The following RASGRF1 variants were observed in gnomAD, a reference collection of about 807,000 sequenced individuals.
RASGRF1 encodes Ras protein specific guanine nucleotide releasing factor 1.
A neutral mutation model predicts 138.7 loss-of-function variants in RASGRF1; 40 were observed. The ratio of observed to expected loss-of-function variants is 0.29; its 90% CI spans 0.22 to 0.38. The LOEUF (loss-of-function observed/expected upper bound fraction) is 0.38, where lower values mean the gene tolerates loss of function less well. RASGRF1 is among the 10% of genes least tolerant of loss of function. The probability of loss-of-function intolerance (pLI) is 1.00; values close to 1 mark genes in which losing one functional copy is unlikely to be tolerated. For missense variants in RASGRF1, 1,108 were observed against 1,650.4 expected (o/e 0.67, Z 5.69); for synonymous variants, 614 against 663.2 (o/e 0.93, Z 1.14).
chr15:79,053,642 C>A lies in RASGRF1; in HGVS notation c.532-4054G>T, dbSNP rs551073287. Among the ~76,000 whole-genome samples, 4 of 152,286 alleles carry A rather than the reference C, an allele frequency of 2.6e-5. No homozygotes were observed. The South Asian group carries it at 8.3e-4, about 32-fold the overall frequency. On this transcript the variant is annotated intron_variant, in intron 3 of 26. Coordinates refer to ENST00000558480, the MANE Select transcript of RASGRF1 (RefSeq NM_001145648.3). ...GAAGGGAGAGAAGAGACTAAGTCAG[C>A]AGTGGATTGATTGTTTTACTTAGTA... is the stretch of plus-strand genomic sequence containing the variant.
chr15:79,061,508 G>A (rs2057607315), intron 2 of RASGRF1, among the ~76,000 whole-genome samples: 1 of 149,396 alleles, frequency 6.7e-6, no homozygotes. Context: ...GATCAGTTTT[G>A]ATAAACGCAT....
chr15:79,029,931 T>A (rs1236222728), intron 8 of RASGRF1, among the ~76,000 whole-genome samples: 1 of 152,158 alleles, frequency 6.6e-6, no homozygotes, highest in African/African-American at 2.4e-5. Context: ...GGATAGGATA[T>A]CCCTCAGCAA....
chr15:79,058,320 C>G lies in RASGRF1; in HGVS notation c.531+14G>C, dbSNP rs368456603. 5 of 1,610,578 alleles carry G rather than the reference C, an allele frequency of 3.1e-6. No individual in the cohort carries two copies. The highest frequency in any genetic ancestry group is 2.7e-5 in the African/African-American group (2 of 74,916). On this transcript the variant is annotated intron_variant, in intron 3 of 26. Transcript: ENST00000558480. ...GTGCCTAGGGCCTGGGCCCACCCCC[C>G]AGCCCGCAGTCACCTCTGCCTTCAG...
intron 2 of RASGRF1, among the ~76,000 whole-genome samples, chr15:79,063,465 A>G (rs1403782047): frequency 6.6e-6 from 1 of 152,206 alleles, no homozygotes; most frequent in African/African-American, 2.4e-5. Flanking sequence ...TTGTCCATGT[A>G]TCATCCATGT....
chr15:79,069,978 C>T (rs2057733306), intron 1 of RASGRF1, among the ~76,000 whole-genome samples: 1 of 152,202 alleles, frequency 6.6e-6, no homozygotes, highest in East Asian at 1.9e-4. Context: ...TGGAAGTTTC[C>T]CTGCCATGAG....
At chr15:79,077,423 C>T (rs2057848684) in intron 1 of RASGRF1, among the ~76,000 whole-genome samples, 1 of 152,130 alleles carries the variant, frequency 6.6e-6, no homozygotes, top group African/African-American at 2.4e-5. Flanking sequence ...TTTTGTAAAC[C>T]ACTGGATTCA....
chr15:78,978,215 CTTTTGTTTT>C (rs1197524571), intron 24 of RASGRF1, among the ~76,000 whole-genome samples: 34 of 79,324 alleles, frequency 4.3e-4, no homozygotes, highest in African/African-American at 1.7e-3. Context: ...TTTTTCTTTT[CTTTTGTTTT>C]TTTTTTTTTT....
intron 20 of RASGRF1, among the ~76,000 whole-genome samples, chr15:78,993,078 G>GCCA (rs2056305603): frequency 1.9e-5 from 2 of 106,748 alleles, no homozygotes; most frequent in Non-Finnish European, 4.3e-5. Flanking sequence ...TGTGTGTGGT[G>GCCA]TGTGGGTGGT....
In RASGRF1 at chr15:79,090,642, C is replaced by G; in HGVS notation, c.-144G>C. 1 of 1,171,012 alleles carries G rather than the reference C, an allele frequency of 8.5e-7. No individual in the cohort carries two copies. The allele number at this position is 1,171,012 out of a possible 1,614,324, so 72.5% of individuals were successfully genotyped here. A position where few individuals can be genotyped will look rare whatever the true frequency, so the allele number is the denominator to read the frequency against. ...TCCCCTCCCCCCAAATATCTACACT[C>G]CAGGATCTGGCGCCGAGCCGCGGCT... is the stretch of plus-strand genomic sequence containing the variant. On this transcript the variant is annotated 5_prime_UTR_variant, in exon 1 of 27. Transcript: ENST00000558480.
At chr15:79,029,612 G>A (rs1487060894) in intron 8 of RASGRF1, among the ~76,000 whole-genome samples, 3 of 152,164 alleles carry the variant, frequency 2.0e-5, no homozygotes, top group African/African-American at 7.2e-5. Context: ...GAATATAGGG[G>A]TCAGGATAAA....
chr15:78,962,169 C>T lies in RASGRF1; in HGVS notation c.3749G>A (p.Arg1250Gln), dbSNP rs768043922. Residue 1250 changes from arginine (R) to glutamine (Q), a missense_variant, in exon 27 of 27, where the codon CGA (arginine) becomes CAA (glutamine). This residue lies in a region of RASGRF1 where 686 missense variants were observed against 976.7 expected (regional missense o/e 0.70). Coordinates refer to ENST00000558480, the MANE Select transcript of RASGRF1 (RefSeq NM_001145648.3). ...DEESLYESSL[R>Q]IEPKLPT ...TCAGGTGGGGAGTTTTGGTTCTATT[C>T]GGAGAGAAGACTCGTAGAGGCTTTC... The T allele has an allele frequency of 3.3e-5, 53 of 1,585,770 alleles. No individual in the cohort carries two copies. The highest frequency in any genetic ancestry group is 7.8e-6 in the Non-Finnish European group (9 of 1,160,970).
intron 22 of RASGRF1, among the ~76,000 whole-genome samples, chr15:78,986,769 T>G (rs891149381): frequency 6.6e-6 from 1 of 152,160 alleles, no homozygotes; most frequent in Non-Finnish European, 1.5e-5. Context: ...TAAGAAATCT[T>G]CTCAAAAACA....
At chr15:79,060,854 T>G (rs1411778102) in intron 2 of RASGRF1, among the ~76,000 whole-genome samples, 1 of 150,338 alleles carries the variant, frequency 6.7e-6, no homozygotes, top group African/African-American at 2.5e-5. Context: ...GTGCATGGCC[T>G]GCCTGGCATG....
At chr15:79,068,482 T>C (rs1340897350) in intron 1 of RASGRF1, among the ~76,000 whole-genome samples, 1 of 61,472 alleles carries the variant, frequency 1.6e-5, no homozygotes, top group Non-Finnish European at 2.9e-5. Flanking sequence ...TATATATATA[T>C]ATATATATAT....
chr15:78,996,078 T>C (rs4778764), intron 19 of RASGRF1, among the ~76,000 whole-genome samples: 151,481 of 152,266 alleles, frequency 0.99, 75,358 homozygotes, highest in Middle Eastern at 1. Context: ...AGGGAGCCCT[T>C]GAGGGAGGGA....
At chr15:78,968,930 C>T (rs946143239) in intron 26 of RASGRF1, among the ~76,000 whole-genome samples, 1 of 152,150 alleles carries the variant, frequency 6.6e-6, no homozygotes, top group African/African-American at 2.4e-5. Flanking sequence ...CCTGTTAGGC[C>T]GGTTTAGCAA....
intron 13 of RASGRF1, among the ~76,000 whole-genome samples, chr15:79,009,755 C>T (rs947156060): frequency 6.6e-6 from 1 of 151,976 alleles, no homozygotes; most frequent in Non-Finnish European, 1.5e-5. Context: ...GATGGACTCC[C>T]GCTCTGTTGC....
At chr15:79,026,887 G>A (rs2057064712) in intron 9 of RASGRF1, among the ~76,000 whole-genome samples, 1 of 152,208 alleles carries the variant, frequency 6.6e-6, no homozygotes, top group Non-Finnish European at 1.5e-5. Flanking sequence ...GCAGGTCACA[G>A]GGTGGGCCTG....
intron 20 of RASGRF1, 124 bp from the exon 21 acceptor site, chr15:78,991,918 C>T (rs1027864837): frequency 5.2e-5 from 36 of 687,468 alleles, no homozygotes; most frequent in Non-Finnish European, 7.6e-5. Context: ...CGGGGTATGA[C>T]GCTGCCTCGA....
Sources: allele counts gnomAD v4.1 joint callset (sites outside exome capture counted in the v4.1 genomes callset), GRCh38; gene constraint gnomAD v4.1.1; regional missense constraint gnomAD v4.1.1; transcripts MANE v1.5; gene names NCBI Gene and HGNC (gene_info 2026-07-23, HGNC 2026-07-21).